GABRB2: variants seen among roughly 807,000 people sequenced by gnomAD.
GABRB2 encodes the protein gamma-aminobutyric acid type A receptor subunit beta2.
GABRB2 carries 16 observed loss-of-function variants against 54.7 expected under a neutral mutation model. That is an observed-to-expected ratio of 0.29 (90% confidence interval 0.20 to 0.44). The LOEUF is 0.44. Ranked by LOEUF, GABRB2 falls within the 20% of genes least tolerant of loss-of-function variation. The probability of loss-of-function intolerance (pLI) is 1.00; values close to 1 mark genes in which losing one functional copy is unlikely to be tolerated. For synonymous variants in GABRB2, 244 were observed against 233.8 expected (o/e 1.04, Z -0.40); for missense variants, 355 against 644.0 (o/e 0.55, Z 4.86).
chr5:161,461,990 T>C (rs1758130279), intron 3 of GABRB2, among the ~76,000 whole-genome samples: 1 of 152,202 alleles, frequency 6.6e-6, no homozygotes, highest in Admixed American at 6.5e-5. Flanking sequence ...ACTCATATTA[T>C]CTGCTCTAAC....
chr5:161,438,709 AT>A (rs1347224129), intron 4 of GABRB2, among the ~76,000 whole-genome samples: 4 of 152,092 alleles, frequency 2.6e-5, no homozygotes, highest in Non-Finnish European at 5.9e-5. Flanking sequence ...GATCAAAATA[AT>A]GAAAAAAGTG....
At chr5:161,294,956 T>C (rs1055353175) in intron 9 of GABRB2, among the ~76,000 whole-genome samples, 1 of 152,200 alleles carries the variant, frequency 6.6e-6, no homozygotes, top group Non-Finnish European at 1.5e-5. Context: ...TTTCATCTAA[T>C]TGATGTTTCT....
chr5:161,368,363 G>T (rs1755033172), intron 5 of GABRB2, among the ~76,000 whole-genome samples: 1 of 152,084 alleles, frequency 6.6e-6, no homozygotes, highest in South Asian at 2.1e-4. Flanking sequence ...GTGTCACTTT[G>T]TTAGATATTA....
chr5:161,310,591 T>C (rs1757831882), intron 9 of GABRB2, among the ~76,000 whole-genome samples: 1 of 152,130 alleles, frequency 6.6e-6, no homozygotes, highest in South Asian at 2.1e-4. Context: ...AAACTCAAAA[T>C]TGCAATCATT....
intron 4 of GABRB2, among the ~76,000 whole-genome samples, chr5:161,456,901 C>T (rs1468932330): frequency 6.6e-6 from 1 of 152,026 alleles, no homozygotes; most frequent in African/African-American, 2.4e-5. Flanking sequence ...ATTGTAGAAT[C>T]AACTGTAACA....
intron 4 of GABRB2, among the ~76,000 whole-genome samples, chr5:161,432,005 C>T (rs934517632): frequency 4.6e-5 from 7 of 152,142 alleles, no homozygotes. Context: ...AATAGTTATA[C>T]AGAGAAGAAT....
chr5:161,299,731 T>C (rs1580959027), intron 9 of GABRB2, among the ~76,000 whole-genome samples: 1 of 152,284 alleles, frequency 6.6e-6, no homozygotes, highest in East Asian at 1.9e-4. Context: ...ACTTTGTTTT[T>C]CTGTTATTTG....
intron 9 of GABRB2, among the ~76,000 whole-genome samples, chr5:161,317,091 AT>A (rs1466283992): frequency 6.6e-6 from 1 of 151,934 alleles, no homozygotes; most frequent in Non-Finnish European, 1.5e-5. Context: ...GAGAAAAAAA[AT>A]GACAACGTAA....
In GABRB2 at chr5:161,414,288, A is replaced by G. The variant is rs528523438; in HGVS notation, c.459-3231T>C. On this transcript the variant is annotated intron_variant, in intron 4 of 9. Coordinates refer to ENST00000393959, the MANE Select transcript of GABRB2 (RefSeq NM_001371727.1). ...TAGTTGCCTCATCCTGAAAATTTCA[A>G]TGAAAACTTGCCACCTTACTTTGCT... Among the ~76,000 whole-genome samples, 4 of 152,292 alleles carry G rather than the reference A, an allele frequency of 2.6e-5. No homozygotes were observed. The East Asian group carries it at 5.8e-4, about 22-fold the overall frequency.
chr5:161,420,216 AT>A (rs1756808641), intron 4 of GABRB2, among the ~76,000 whole-genome samples: 1 of 152,046 alleles, frequency 6.6e-6, no homozygotes, highest in South Asian at 2.1e-4. Context: ...CAGTCTTTTA[AT>A]TTTTTTAACA....
chr5:161,484,577 T>C (rs1435357876), intron 3 of GABRB2, among the ~76,000 whole-genome samples: 1 of 152,040 alleles, frequency 6.6e-6, no homozygotes, highest in Non-Finnish European at 1.5e-5. Context: ...TAATGCTTAG[T>C]ATTTTCATTG....
chr5:161,460,338 T>G (rs1246465488), intron 3 of GABRB2, among the ~76,000 whole-genome samples: 2 of 152,144 alleles, frequency 1.3e-5, no homozygotes, highest in Non-Finnish European at 2.9e-5. Context: ...ACTGTTCACA[T>G]ATAGAGGCAA....
chr5:161,371,492 G>A (rs1023525383), intron 5 of GABRB2, among the ~76,000 whole-genome samples: 2 of 151,974 alleles, frequency 1.3e-5, no homozygotes, highest in African/African-American at 4.8e-5. Flanking sequence ...TGAAAAGAAA[G>A]TGCTGATGGG....
chr5:161,303,983 T>A, intron 9 of GABRB2, among the ~76,000 whole-genome samples: 1 of 152,208 alleles, frequency 6.6e-6, no homozygotes, highest in East Asian at 1.9e-4. Flanking sequence ...GTTGCTTAAG[T>A]ATCCCTAAAG....
At chr5:161,426,178 T>G (rs1273187792) in intron 4 of GABRB2, among the ~76,000 whole-genome samples, 1 of 152,108 alleles carries the variant, frequency 6.6e-6, no homozygotes, top group Non-Finnish European at 1.5e-5. Context: ...GACTTGGGTC[T>G]TGATTTTACC....
At chr5:161,545,594 T>A (rs1215268195) in intron 2 of GABRB2, among the ~76,000 whole-genome samples, 1 of 152,246 alleles carries the variant, frequency 6.6e-6, no homozygotes, top group Non-Finnish European at 1.5e-5. Flanking sequence ...AGCACAAGAA[T>A]CCTTCTAGTC....
chr5:161,525,492 A>C (rs1760249922), intron 3 of GABRB2, among the ~76,000 whole-genome samples: 1 of 151,326 alleles, frequency 6.6e-6, no homozygotes. Flanking sequence ...TACAGAACTA[A>C]TACACAATTG....
chr5:161,362,207 C>T (rs1009651711), intron 5 of GABRB2, among the ~76,000 whole-genome samples: 3 of 152,158 alleles, frequency 2.0e-5, no homozygotes, highest in Middle Eastern at 6.8e-3. Context: ...AGTCAGGTAG[C>T]GTGATGCCTC....
At chr5:161,376,155 A>G (rs1474319816) in intron 5 of GABRB2, among the ~76,000 whole-genome samples, 1 of 152,210 alleles carries the variant, frequency 6.6e-6, no homozygotes, top group Non-Finnish European at 1.5e-5. Context: ...ATCTGAAATC[A>G]TGCATTGGGG....
Sources: allele counts gnomAD v4.1 joint callset (sites outside exome capture counted in the v4.1 genomes callset), GRCh38; gene constraint gnomAD v4.1.1; transcripts MANE v1.5; gene names NCBI Gene and HGNC (gene_info 2026-07-23, HGNC 2026-07-21).